Variants in TENM2 observed in about 807,000 individuals in gnomAD.
The protein encoded by TENM2 is teneurin transmembrane protein 2.
TENM2 carries 52 observed loss-of-function variants against 245.2 expected under a neutral mutation model. The observed-to-expected ratio is 0.21, with a 90% CI of 0.17 to 0.27. TENM2 has a LOEUF of 0.27. Among genes scored for constraint, TENM2 ranks in the 10% least tolerant of loss-of-function variants. The pLI is 1.00. For synonymous variants in TENM2, 1,363 were observed against 1,438.9 expected, an observed-to-expected ratio of 0.95 and a Z score of 1.19; for missense variants, 3,046 against 3,666.8, an observed-to-expected ratio of 0.83 and a Z score of 4.37.
intron 2 of TENM2, among the ~76,000 whole-genome samples, chr5:167,504,505 T>G (rs867758759): frequency 2.6e-5 from 4 of 152,208 alleles, no homozygotes; most frequent in African/African-American, 9.6e-5. Flanking sequence ...TACTTCACAA[T>G]GTTGATTTTC....
chr5:167,658,785 A>C (rs748777990), intron 2 of TENM2, among the ~76,000 whole-genome samples: 1 of 152,186 alleles, frequency 6.6e-6, no homozygotes, highest in African/African-American at 2.4e-5. Context: ...CCTGTATTCA[A>C]ATTCAGAATG....
chr5:167,734,000 C>G (rs1760622066), intron 2 of TENM2, among the ~76,000 whole-genome samples: 1 of 152,082 alleles, frequency 6.6e-6, no homozygotes, highest in African/African-American at 2.4e-5. Context: ...AGATCTTGAC[C>G]CCAGGTTTCC....
chr5:168,056,393 A>C (rs913198818), intron 6 of TENM2, among the ~76,000 whole-genome samples: 7 of 152,226 alleles, frequency 4.6e-5, no homozygotes, highest in African/African-American at 1.7e-4. Flanking sequence ...TATATAAAAA[A>C]CTTTTCTTTT....
intron 2 of TENM2, among the ~76,000 whole-genome samples, chr5:167,481,381 T>C (rs1255270746): frequency 6.6e-6 from 1 of 152,178 alleles, no homozygotes; most frequent in Admixed American, 6.5e-5. Flanking sequence ...AAATCAAAAC[T>C]GGAATAATAT....
chr5:168,203,070 C>A (rs1002203592), intron 17 of TENM2, among the ~76,000 whole-genome samples: 1 of 152,208 alleles, frequency 6.6e-6, no homozygotes, highest in Non-Finnish European at 1.5e-5. Context: ...GTGGCAAATG[C>A]AGGATTTTTA....
chr5:167,651,348 C>T (rs1582654185), intron 2 of TENM2, among the ~76,000 whole-genome samples: 1 of 151,856 alleles, frequency 6.6e-6, no homozygotes, highest in East Asian at 2.0e-4. Context: ...CTAGGTTCTG[C>T]ACAATGGAAA....
intron 2 of TENM2, among the ~76,000 whole-genome samples, chr5:167,739,019 G>A (rs1760993002): frequency 6.6e-6 from 1 of 152,186 alleles, no homozygotes; most frequent in African/African-American, 2.4e-5. Flanking sequence ...GTATATTGCA[G>A]AAAACTGGAT....
intron 2 of TENM2, among the ~76,000 whole-genome samples, chr5:167,530,335 AT>A (rs1771406574): frequency 6.6e-6 from 1 of 152,162 alleles, no homozygotes; most frequent in Admixed American, 6.5e-5. Flanking sequence ...CCACCTAAAA[AT>A]TTTCATGTGA....
At chr5:167,375,264 C>T in exon 2 of TENM2, 2 of 1,551,772 alleles carry the variant, frequency 1.3e-6, no homozygotes, top group South Asian at 1.2e-5. Flanking sequence ...GGCTACTGCT[C>T]CGACATGGGG....
intron 5 of TENM2, among the ~76,000 whole-genome samples, chr5:168,004,601 C>G (rs1397842968): frequency 6.6e-6 from 1 of 151,776 alleles, no homozygotes; most frequent in Non-Finnish European, 1.5e-5. Context: ...CAATCAGAAA[C>G]CTCTTTTAAT....
intron 9 of TENM2, among the ~76,000 whole-genome samples, chr5:168,106,975 G>C (rs1794293111): frequency 6.6e-6 from 1 of 152,148 alleles, no homozygotes; most frequent in Non-Finnish European, 1.5e-5. Context: ...TTGGAGAATT[G>C]CTTGAACCAA....
At chr5:167,367,673 T>C (rs1037241985) in intron 1 of TENM2, among the ~76,000 whole-genome samples, 2 of 152,114 alleles carry the variant, frequency 1.3e-5, no homozygotes, top group Non-Finnish European at 2.9e-5. Flanking sequence ...TTTTAGATAA[T>C]GTTGATAACG....
chr5:168,021,498 G>A (rs146688082), intron 5 of TENM2, among the ~76,000 whole-genome samples: 2 of 152,266 alleles, frequency 1.3e-5, no homozygotes, highest in Non-Finnish European at 2.9e-5. Flanking sequence ...CTTTCCTTGC[G>A]TGTTTGGAGT....
intron 2 of TENM2, among the ~76,000 whole-genome samples, chr5:167,638,922 C>T (rs183896240): frequency 8.2e-4 from 125 of 152,332 alleles, no homozygotes; most frequent in African/African-American, 2.9e-3. Context: ...ATCACTGGCA[C>T]TGGGCTAACA....
At chr5:167,139,466 A>T in the TENM2 span, among the ~76,000 whole-genome samples, 2 of 152,230 alleles carry the variant, frequency 1.3e-5, no homozygotes, top group Non-Finnish European at 2.9e-5. Context: ...ACCAAATGTC[A>T]AAAAGAATTT....
chr5:167,496,717 A>T (rs960496715), intron 2 of TENM2, among the ~76,000 whole-genome samples: 3 of 152,096 alleles, frequency 2.0e-5, no homozygotes, highest in African/African-American at 7.2e-5. Flanking sequence ...CAGACCCTCC[A>T]TTGAGTTACA....
chr5:167,135,265 A>G, the TENM2 span, among the ~76,000 whole-genome samples: 1 of 152,350 alleles, frequency 6.6e-6, no homozygotes, highest in African/African-American at 2.4e-5. Flanking sequence ...TTATTTCATC[A>G]AATAATTTCA....
Position 167,604,843 on chromosome 5 carries a change from A to G in TENM2, c.502+229370A>G, listed in dbSNP as rs190408331. Among the ~76,000 whole-genome samples, 503 of 152,340 alleles carry G rather than the reference A, an allele frequency of 3.3e-3. 1 individual carries two copies. Among genetic ancestry groups the G allele is most frequent in the African/African-American group, 0.011 (472 of 41,584 alleles). On this transcript the variant is annotated intron_variant, in intron 2 of 28. Transcript: ENST00000518659. ...ACTATTAAGTGGTATAAGGTGGTAAAGGCACCATGAATGGAGTCTGTCAAC... is the reference window on the plus strand; with the variant it reads ...ACTATTAAGTGGTATAAGGTGGTAAGGGCACCATGAATGGAGTCTGTCAAC...
At chr5:167,267,712 T>C in the TENM2 span, among the ~76,000 whole-genome samples, 1 of 152,184 alleles carries the variant, frequency 6.6e-6, no homozygotes, top group East Asian at 1.9e-4. Context: ...TTCTGGTGAA[T>C]GGCAGTGCTA....
Sources: gnomAD v4.1 joint callset for allele counts (sites outside exome capture counted in the v4.1 genomes callset) on GRCh38, gnomAD v4.1.1 for gene constraint, MANE v1.5 for transcripts, NCBI Gene and HGNC (gene_info 2026-07-23, HGNC 2026-07-21) for gene names.